GEMIN8: variants seen among roughly 807,000 people sequenced by gnomAD.
The protein encoded by GEMIN8 is gem-associated protein 8.
For missense variants in GEMIN8, 185 were observed against 205.9 expected, an observed-to-expected ratio of 0.90 and a Z score of 0.62; for synonymous variants, 80 against 78.5, an observed-to-expected ratio of 1.02 and a Z score of -0.10.
chrX:14,011,622 C>T (rs184844972), intron 4 of GEMIN8, among the ~76,000 whole-genome samples: 1 of 104,300 alleles, frequency 9.6e-6, no homozygotes, highest in Admixed American at 1.1e-4. Flanking sequence ...GCAGAGCCCA[C>T]AGTCAGAGTT....
chrX:14,024,701 T>C (rs1160886018), intron 2 of GEMIN8, among the ~76,000 whole-genome samples: 3 of 111,645 alleles, frequency 2.7e-5, no homozygotes, highest in Non-Finnish European at 5.6e-5. Context: ...CAGTTCCAGC[T>C]TCTGAACCAG....
intron 2 of GEMIN8, among the ~76,000 whole-genome samples, chrX:14,021,883 T>TA (rs1924374828): frequency 1.1e-5 from 1 of 95,095 alleles, no homozygotes; most frequent in Non-Finnish European, 2.1e-5. Flanking sequence ...GCTGGAGAGA[T>TA]GTCTTATTCT....
At position 14,024,516 on chromosome X, in the gene GEMIN8, C is replaced by CA. The variant is rs768354566; in HGVS notation, c.-34+1623dup. 3.6e-3 allele frequency among the ~76,000 whole-genome samples: 358 copies of CA among 100,453 alleles called. 5 individuals carry two copies. The highest frequency in any genetic ancestry group is 0.011 in the African/African-American group (316 of 27,506). The allele number at this position is 100,453 out of a possible 115,157, so 87.2% of individuals were successfully genotyped here. A position where few individuals can be genotyped will look rare whatever the true frequency, so the allele number is the denominator to read the frequency against. On this transcript the variant is annotated intron_variant, in intron 2 of 4. Transcript: ENST00000680255. The stretch of plus-strand genomic sequence containing the variant: ...TCAGTCTCAAAAACAAAAACAAAAA[C>CA]AAAAAAAAAAAGAAGAGGGAGGGAG...
At chrX:14,003,604 T>G (rs965207204), downstream of GEMIN8, among the ~76,000 whole-genome samples, 4 of 112,301 alleles carry the variant, frequency 3.6e-5, no homozygotes, top group African/African-American at 1.3e-4. Flanking sequence ...ATTCTTCCAT[T>G]TTATAGTCCA....
the GEMIN8 span, among the ~76,000 whole-genome samples, chrX:13,989,353 T>C: frequency 1.8e-5 from 2 of 111,557 alleles, no homozygotes; most frequent in African/African-American, 6.5e-5. Context: ...TCCTCCTGCC[T>C]CAGTCTTCCA....
intron 4 of GEMIN8, among the ~76,000 whole-genome samples, chrX:14,013,406 C>A (rs746875161): frequency 8.9e-6 from 1 of 112,367 alleles, no homozygotes; most frequent in Non-Finnish European, 1.9e-5. Context: ...AATCAGAAAT[C>A]TTTTTTGATT....
the GEMIN8 span, among the ~76,000 whole-genome samples, chrX:13,987,845 G>A: frequency 8.9e-6 from 1 of 112,096 alleles, no homozygotes; most frequent in African/African-American, 3.2e-5. Context: ...AATTCAGGTA[G>A]TCAGCTCTAT....
the GEMIN8 span, among the ~76,000 whole-genome samples, chrX:13,997,502 G>A: frequency 8.9e-6 from 1 of 112,032 alleles, no homozygotes; most frequent in African/African-American, 3.2e-5. Flanking sequence ...CCCAGCCTAA[G>A]TTGCCAACCC....
intron 2 of GEMIN8, among the ~76,000 whole-genome samples, chrX:14,021,829 T>TATATATATATATAGTATATATATACTG (rs2147137006): frequency 2.0e-5 from 1 of 50,083 alleles, no homozygotes; most frequent in South Asian, 8.6e-4. Flanking sequence ...TATATATATA[T>TATATATATATATAGTATATATATACTG]ATATATATAT....
At chrX:13,996,674 A>C in the GEMIN8 span, among the ~76,000 whole-genome samples, 9 of 111,929 alleles carry the variant, frequency 8.0e-5, no homozygotes, top group East Asian at 2.5e-3. Context: ...CTAAGCAGTA[A>C]AATTCTATAA....
the GEMIN8 span, among the ~76,000 whole-genome samples, chrX:13,991,229 T>C: frequency 8.9e-6 from 1 of 112,537 alleles, no homozygotes; most frequent in Non-Finnish European, 1.9e-5. Context: ...TTTGTTGAGA[T>C]TGCAGAGTTT....
At chrX:14,011,705 AC>A (rs1232468668) in intron 4 of GEMIN8, among the ~76,000 whole-genome samples, 1 of 110,093 alleles carries the variant, frequency 9.1e-6, no homozygotes, top group African/African-American at 3.3e-5. Context: ...ATCTGGTGAC[AC>A]AAGACATGTT....
chrX:14,017,208 C>T (rs1391396519), intron 4 of GEMIN8, among the ~76,000 whole-genome samples: 2 of 110,665 alleles, frequency 1.8e-5, no homozygotes, highest in East Asian at 2.8e-4. Flanking sequence ...CTCTAATCAG[C>T]GAGTGGTAGA....
intron 4 of GEMIN8, among the ~76,000 whole-genome samples, chrX:14,018,770 T>C (rs1268093484): frequency 9.9e-6 from 1 of 101,267 alleles, no homozygotes; most frequent in Non-Finnish European, 2.0e-5. Context: ...TCTTTTCTTT[T>C]TTTTTTTTTT....
At chrX:13,987,535 C>T in the GEMIN8 span, among the ~76,000 whole-genome samples, 9 of 111,400 alleles carry the variant, frequency 8.1e-5, no homozygotes, top group African/African-American at 2.9e-4. Flanking sequence ...TTGTCAAGGG[C>T]CTATCTGGCC....
chrX:14,014,169 T>C lies in GEMIN8; in HGVS notation c.473-5000A>G, dbSNP rs777111339. 182 of 750,994 alleles carry C rather than the reference T, an allele frequency of 2.4e-4. No individual in the cohort carries two copies. In the African/African-American group the frequency reaches 3.8e-3, roughly 16 times the overall value. The allele number at this position is 750,994 out of a possible 1,213,427, so 61.9% of individuals were successfully genotyped here. ...TGGAGGCAGCAAGTGGCAAAGAATG[T>C]TTTTTCCCCTCACTTTCCTAGGACT... On this transcript the variant is annotated intron_variant, in intron 4 of 4. Transcript: ENST00000680255.
chrX:13,995,584 T>G, the GEMIN8 span, among the ~76,000 whole-genome samples: 1 of 111,656 alleles, frequency 9.0e-6, no homozygotes, highest in Non-Finnish European at 1.9e-5. Context: ...AATCAAGGTG[T>G]TGGCAGGGCT....
At chrX:14,018,766 C>CTTTTTTTTTTT (rs58528171) in intron 4 of GEMIN8, among the ~76,000 whole-genome samples, 5 of 91,858 alleles carry the variant, frequency 5.4e-5, no homozygotes, top group Non-Finnish European at 8.7e-5. Context: ...CTTTTCTTTT[C>CTTTTTTTTTTT]TTTTTTTTTT....
In GEMIN8 at chrX:14,009,110, G is replaced by C; in HGVS notation, c.532C>G (p.Leu178Val). 1 of 1,211,313 alleles carries C rather than the reference G, an allele frequency of 8.3e-7. No homozygotes were observed. The highest frequency in any genetic ancestry group is 1.1e-6 in the Non-Finnish European group (1 of 894,730). Residue 178 changes from leucine to valine, a missense_variant, in exon 5 of 5, where the codon CTG (leucine) becomes GTG (valine). Physicochemically the swap from Leu to Val is conservative, Grantham distance 32 (BLOSUM62 1). Transcript: ENST00000680255. ...ACCGACCGGCGGGTGTTGCAGTACA[G>C]GTCGTGGTCAGCGTTCACATAGCTG... ...LDSYVNADHD[L>V]YCNTRRSVEA...
Sources: allele counts gnomAD v4.1 joint callset (sites outside exome capture counted in the v4.1 genomes callset), GRCh38; gene constraint gnomAD v4.1.1; transcripts MANE v1.5; gene names NCBI Gene and HGNC (gene_info 2026-07-23, HGNC 2026-07-21).